Variants in AP4E1 observed in about 807,000 individuals in gnomAD.
The protein encoded by AP4E1 is AP-4 complex subunit epsilon-1.
A neutral mutation model predicts 128.2 loss-of-function variants in AP4E1; 56 were observed. That is an observed-to-expected ratio of 0.44 (90% confidence interval 0.35 to 0.55). The LOEUF (loss-of-function observed/expected upper bound fraction) is 0.55, where lower values mean the gene tolerates loss of function less well. Ranked by LOEUF, AP4E1 falls within the 20% of genes least tolerant of loss-of-function variation. The pLI is 0.00. For missense variants in AP4E1, 1,324 were observed against 1,307.7 expected (o/e 1.01, Z -0.19); for synonymous variants, 484 against 473.1 (o/e 1.02, Z -0.30).
intron 15 of AP4E1, among the ~76,000 whole-genome samples, chr15:50,973,799 C>T (rs1415186416): frequency 2.0e-5 from 3 of 152,210 alleles, no homozygotes; most frequent in African/African-American, 7.2e-5. Context: ...ATGACATCAT[C>T]TTTATCCATT....
chr15:50,985,810 A>G (rs926970009), intron 16 of AP4E1, among the ~76,000 whole-genome samples: 2 of 152,096 alleles, frequency 1.3e-5, no homozygotes. Context: ...TTTTGATTCC[A>G]TATGAACTTT....
intron 13 of AP4E1, among the ~76,000 whole-genome samples, chr15:50,954,487 C>G (rs986746999): frequency 6.6e-6 from 1 of 151,984 alleles, no homozygotes; most frequent in Non-Finnish European, 1.5e-5. Flanking sequence ...TGTTTTTCCC[C>G]CCCTTGGGAC....
At position 50,958,632 on chromosome 15, in the gene AP4E1, T is replaced by G. The variant is rs761622257; in HGVS notation, c.1689T>G (p.Ser563=). 2 of 1,614,048 alleles carry G rather than the reference T, an allele frequency of 1.2e-6. No homozygotes were observed. Among genetic ancestry groups the G allele is most frequent in the Non-Finnish European group, 1.7e-6 (2 of 1,180,020 alleles). Residue 563 remains serine (S), a synonymous_variant, in exon 14 of 21, where the codon TCT becomes TCG. Transcript: ENST00000261842. ...WLIAAVTKLT[S]QAHSSNTVER... is the part of the protein sequence containing the mutation. The stretch of plus-strand genomic sequence containing the variant: ...TTGCTGCTGTGACCAAATTGACATC[T>G]CAGGCGCACTCTTCTAATACAGTTG...
intron 15 of AP4E1, among the ~76,000 whole-genome samples, chr15:50,982,138 C>T (rs959198803): frequency 6.8e-6 from 1 of 147,590 alleles, no homozygotes; most frequent in Non-Finnish European, 1.5e-5. Flanking sequence ...TGCTCTTGCA[C>T]TATCTTCCCT....
intron 15 of AP4E1, among the ~76,000 whole-genome samples, chr15:50,977,706 G>GC (rs1433832296): frequency 1.2e-5 from 1 of 80,296 alleles, no homozygotes; most frequent in Non-Finnish European, 2.6e-5. Context: ...ATCTGTTATG[G>GC]TTTTTTTTTT....
chr15:50,975,557 C>T (rs1026071567), intron 15 of AP4E1, among the ~76,000 whole-genome samples: 4 of 151,074 alleles, frequency 2.6e-5, no homozygotes, highest in Non-Finnish European at 4.4e-5. Context: ...GAAGACTGTC[C>T]TTTCTCTGTT....
At chr15:50,961,179 A>G (rs1321012365) in intron 14 of AP4E1, among the ~76,000 whole-genome samples, 2 of 152,092 alleles carry the variant, frequency 1.3e-5, no homozygotes, top group South Asian at 2.1e-4. Flanking sequence ...GCAAATTTAT[A>G]AAGAAGAACT....
chr15:50,928,917 C>T (rs183809320), intron 5 of AP4E1, 92 bp from the exon 6 acceptor site: 2 of 1,174,702 alleles, frequency 1.7e-6, no homozygotes, highest in Admixed American at 1.9e-5. Flanking sequence ...AGGTAATGAG[C>T]CAGTATTTTG....
intron 15 of AP4E1, among the ~76,000 whole-genome samples, chr15:50,968,952 G>T (rs1053653646): frequency 3.3e-5 from 5 of 150,490 alleles, no homozygotes; most frequent in African/African-American, 7.4e-5. Context: ...TTTTTTTTTT[G>T]ATAATATATT....
intron 17 of AP4E1, among the ~76,000 whole-genome samples, chr15:50,993,957 G>T (rs1273129332): frequency 6.6e-6 from 1 of 152,186 alleles, no homozygotes; most frequent in Non-Finnish European, 1.5e-5. Flanking sequence ...GAAGGGGGAT[G>T]AATAATAATC....
At chr15:50,991,224 T>C (rs578205197) in intron 16 of AP4E1, among the ~76,000 whole-genome samples, 2 of 152,204 alleles carry the variant, frequency 1.3e-5, no homozygotes, top group Non-Finnish European at 2.9e-5. Context: ...CAGTCCTTCA[T>C]TGAAGAGAGA....
In AP4E1 at chr15:50,930,867, T is replaced by C; in HGVS notation, c.765T>C (p.Val255=). 1 of 1,614,110 alleles carries C rather than the reference T, an allele frequency of 6.2e-7. No homozygotes were observed. Residue 255 remains valine (V), a synonymous_variant, in exon 7 of 21, where the codon GTT becomes GTC. Transcript: ENST00000261842. ...TTGTAACCATTTTGAAGCAAGTAGT[T>C]GGAGGAAAGCTCCCAGTAGAATTCA... The part of the protein sequence containing the change: ...GSFVTILKQV[V]GGKLPVEFNY...
intron 15 of AP4E1, among the ~76,000 whole-genome samples, chr15:50,978,988 AC>A (rs1327771558): frequency 6.6e-6 from 1 of 152,058 alleles, no homozygotes; most frequent in Non-Finnish European, 1.5e-5. Context: ...TGGAATTGAT[AC>A]TTTTTTCTGC....
intron 7 of AP4E1, among the ~76,000 whole-genome samples, 191 bp downstream of exon 7, chr15:50,931,162 A>G (rs749131481): frequency 2.6e-5 from 4 of 152,212 alleles, no homozygotes; most frequent in Non-Finnish European, 5.9e-5. Context: ...CTCTCTCCTT[A>G]TCTTAATTTT....
intron 3 of AP4E1, among the ~76,000 whole-genome samples, chr15:50,916,901 A>T (rs1280781480): frequency 6.6e-6 from 1 of 151,542 alleles, no homozygotes; most frequent in Non-Finnish European, 1.5e-5. Flanking sequence ...AAAGGCAGGA[A>T]TTTTTTTTTC....
intron 15 of AP4E1, among the ~76,000 whole-genome samples, chr15:50,977,461 C>T (rs2064567745): frequency 6.6e-6 from 1 of 152,092 alleles, no homozygotes; most frequent in Non-Finnish European, 1.5e-5. Flanking sequence ...CCTCTCTCCT[C>T]CCAAATCTGT....
rs534453609 is a variant in AP4E1, at chr15:50,960,300, A to T, written c.1851+1506A>T. 9.1e-4 allele frequency among the ~76,000 whole-genome samples: 138 copies of T among 152,260 alleles called. 1 individual carries two copies. The highest frequency in any genetic ancestry group is 3.4e-3 in the Middle Eastern group (1 of 294). On this transcript the variant is annotated intron_variant, in intron 14 of 20. Coordinates refer to ENST00000261842, the MANE Select transcript of AP4E1 (RefSeq NM_007347.5). Reference sequence around the variant, plus strand: ...CTAACAGATATTTACAGAACATTTTATTCAACAGCTGCAGAATACACATTC... The same window carrying T: ...CTAACAGATATTTACAGAACATTTTTTTCAACAGCTGCAGAATACACATTC...
chr15:50,922,163 C>CAAAA lies in AP4E1; in HGVS notation c.347-1750_347-1747dup, dbSNP rs34829950. Among the ~76,000 whole-genome samples the CAAAA allele has an allele frequency of 1.1e-4, 9 of 79,690 alleles. 1 individual carries two copies. Among genetic ancestry groups the CAAAA allele is most frequent in the East Asian group, 3.4e-4 (1 of 2,978 alleles). The allele number at this position is 79,690 out of a possible 152,430, so 52.3% of individuals were successfully genotyped here. On this transcript the variant is annotated intron_variant, in intron 3 of 20. Transcript: ENST00000261842. ...GTAACATAGTGAGACCCTATCTCTA[C>CAAAA]AAAAAAAAAAAAAAAAAAAAATTAG... is the stretch of plus-strand genomic sequence containing the variant.
chr15:50,931,070 A>G (rs2063829988), intron 7 of AP4E1, 99 bp downstream of exon 7: 1 of 1,422,624 alleles, frequency 7.0e-7, no homozygotes, highest in Non-Finnish European at 9.9e-7. Flanking sequence ...AGATTCTTCC[A>G]ATGTTTAATT....
Sources: allele counts gnomAD v4.1 joint callset (sites outside exome capture counted in the v4.1 genomes callset), GRCh38; gene constraint gnomAD v4.1.1; transcripts MANE v1.5; gene names NCBI Gene and HGNC (gene_info 2026-07-23, HGNC 2026-07-21).